Variants in STARD9 observed in about 807,000 individuals in gnomAD.
STARD9 encodes StAR related lipid transfer domain containing 9, also known as stAR-related lipid transfer protein 9.
A neutral mutation model predicts 399.8 loss-of-function variants in STARD9; 346 were observed. The observed-to-expected ratio is 0.87, with a 90% confidence interval of 0.79 to 0.95. The LOEUF is 0.95. Among genes scored for constraint, STARD9 ranks in the 40% least tolerant of loss-of-function variants. The probability of loss-of-function intolerance (pLI) is 0.00; values close to 1 mark genes in which losing one functional copy is unlikely to be tolerated. For synonymous variants in STARD9, 2,203 were observed against 2,143.5 expected (o/e 1.03, Z -0.77); for missense variants, 5,832 against 5,667.5 (o/e 1.03, Z -0.93).
chr15:42,599,601 T>C (rs572787507), intron 3 of STARD9, among the ~76,000 whole-genome samples: 5 of 152,370 alleles, frequency 3.3e-5, no homozygotes, highest in Non-Finnish European at 7.3e-5. Context: ...TGATACATTC[T>C]GTTTACTAAC....
chr15:42,647,600 T>C (rs868332787), intron 7 of STARD9, among the ~76,000 whole-genome samples: 1 of 152,180 alleles, frequency 6.6e-6, no homozygotes, highest in African/African-American at 2.4e-5. Context: ...TTTCTACTTT[T>C]ACTTTCAGTT....
chr15:42,699,506 G>A (rs1595802276), intron 26 of STARD9, among the ~76,000 whole-genome samples: 1 of 146,538 alleles, frequency 6.8e-6, no homozygotes, highest in African/African-American at 2.5e-5. Flanking sequence ...CCATTCTCCT[G>A]CCTCAGCCTC....
intron 20 of STARD9, among the ~76,000 whole-genome samples, chr15:42,678,083 T>TGTA (rs2060348262): frequency 1.3e-5 from 2 of 152,206 alleles, no homozygotes; most frequent in East Asian, 3.8e-4. Context: ...TCTAGGAGCC[T>TGTA]GTAGGCTGGG....
At position 42,688,770 on chromosome 15, in the gene STARD9, G is replaced by T. The variant is rs2140259041; in HGVS notation, c.7192G>T (p.Gly2398Trp). The T allele has an allele frequency of 6.5e-7, 1 of 1,537,650 alleles. No homozygotes were observed. The highest frequency in any genetic ancestry group is 8.7e-7 in the Non-Finnish European group (1 of 1,147,004). ...RSHSPEGNVRGRSSEAHTAWC... is the reference protein window; with the variant it reads ...RSHSPEGNVRWRSSEAHTAWC... Reference sequence around the variant, plus strand: ...CCACAGCCCCGAAGGAAATGTTAGAGGGCGTTCCTCTGAGGCACACACTGC... The same window carrying T: ...CCACAGCCCCGAAGGAAATGTTAGATGGCGTTCCTCTGAGGCACACACTGC... Residue 2398 changes from glycine to tryptophan, a missense_variant, in exon 23 of 33, where the codon GGG becomes TGG. Gly to Trp is a radical substitution (Grantham distance 184). Coordinates refer to ENST00000290607, the MANE Select transcript of STARD9 (RefSeq NM_020759.3).
chr15:42,651,142 C>T, intron 8 of STARD9, 57 bp downstream of exon 8: 1 of 1,280,102 alleles, frequency 7.8e-7, no homozygotes, highest in South Asian at 1.3e-5. Flanking sequence ...ATCCTGTGTT[C>T]CCATTTCCCT....
intron 3 of STARD9, among the ~76,000 whole-genome samples, chr15:42,603,475 TTG>T (rs1385970597): frequency 4.6e-5 from 7 of 152,016 alleles, no homozygotes; most frequent in Non-Finnish European, 7.4e-5. Flanking sequence ...ATTTGTGTCT[TTG>T]TTCTTGTAAT....
At chr15:42,632,750 G>A (rs970262254) in intron 3 of STARD9, among the ~76,000 whole-genome samples, 1 of 152,182 alleles carries the variant, frequency 6.6e-6, no homozygotes, top group African/African-American at 2.4e-5. Flanking sequence ...GCCGAGGCGA[G>A]ATGATCCCTT....
At chr15:42,666,485 A>G (rs1050110999) in intron 15 of STARD9, among the ~76,000 whole-genome samples, 1 of 152,170 alleles carries the variant, frequency 6.6e-6, no homozygotes, top group African/African-American at 2.4e-5. Context: ...GGGGTGTGAG[A>G]GGCCATGTGG....
chr15:42,605,086 A>T (rs1014568873), intron 3 of STARD9, among the ~76,000 whole-genome samples: 3 of 152,334 alleles, frequency 2.0e-5, no homozygotes, highest in Non-Finnish European at 2.9e-5. Flanking sequence ...GACTTCTCAA[A>T]GCATCATATG....
At position 42,634,740 on chromosome 15, in the gene STARD9, AAT is replaced by A. The variant is rs2059388999; in HGVS notation, c.235-115_235-114del. The stretch of plus-strand genomic sequence containing the variant: ...AATTGATTCTTATGAAATGGTAGTG[AAT>A]TAATAGTCATGTATGTTTGAAATAT... On this transcript the variant is annotated intron_variant, in intron 3 of 32. Transcript: ENST00000290607. 1.2e-5 allele frequency: 7 copies of A among 561,016 alleles called. No individual in the cohort carries two copies. The South Asian group carries it at 1.9e-4, about 15-fold the overall frequency. 34.8% of individuals were successfully genotyped at this position (561,016 alleles called of 1,614,324 possible).
chr15:42,689,386 C>T lies in STARD9; in HGVS notation c.7808C>T (p.Ser2603Leu). The change falls in exon 23 of 33, where the codon TCA (serine) becomes TTA (leucine). Residue 2603 changes from serine (S) to leucine (L), a missense_variant. By Grantham distance (145) the Ser-to-Leu change is moderately radical (BLOSUM62 -2). Coordinates refer to ENST00000290607, the MANE Select transcript of STARD9 (RefSeq NM_020759.3). The stretch of plus-strand genomic sequence containing the variant: ...CAGTGTAAACAAATAGACCAGTCAT[C>T]ATCAGACCAGACCAGGAATGAGGGT... ...RPQCKQIDQS[S>L]SDQTRNEGEA... 1 of 1,537,384 alleles carries T rather than the reference C, an allele frequency of 6.5e-7. No individual in the cohort carries two copies. The highest frequency in any genetic ancestry group is 8.7e-7 in the Non-Finnish European group (1 of 1,146,938).
chr15:42,699,855 C>T (rs915836258), intron 26 of STARD9, among the ~76,000 whole-genome samples: 6 of 151,994 alleles, frequency 3.9e-5, no homozygotes, highest in African/African-American at 4.8e-5. Context: ...TACAAGCGCC[C>T]ACCACCACAC....
At position 42,674,881 on chromosome 15, in the gene STARD9, G is replaced by A; in HGVS notation, c.1604G>A (p.Gly535Asp). The A allele has an allele frequency of 6.5e-7, 1 of 1,537,102 alleles. No homozygotes were observed. Among genetic ancestry groups the A allele is most frequent in the Non-Finnish European group, 8.7e-7 (1 of 1,146,814 alleles). ...RDHCTITSAC[G>D]VVVLRPARGA... ...CACTGCACTATCACCAGTGCCTGTG[G>A]TGTAGTTGTTCTACGACCTGCCCGT... is the stretch of plus-strand genomic sequence containing the variant. The change falls in exon 18 of 33, where the codon GGT (glycine) becomes GAT (aspartate). Residue 535 changes from glycine to aspartate, a missense_variant. Around this residue, in one of 2 missense-constraint regions of STARD9, gnomAD observed 5,828 missense variants for 5,651.1 expected, o/e 1.03. Coordinates refer to ENST00000290607, the MANE Select transcript of STARD9 (RefSeq NM_020759.3).
intron 22 of STARD9, among the ~76,000 whole-genome samples, chr15:42,683,561 C>T (rs1487336789): frequency 6.6e-6 from 1 of 152,172 alleles, no homozygotes; most frequent in African/African-American, 2.4e-5. Flanking sequence ...TCAAATTTCT[C>T]TGCTGCCCAA....
At chr15:42,672,272 A>C (rs1212680321) in intron 16 of STARD9, 1 of 152,214 alleles carries the variant, frequency 6.6e-6, no homozygotes, top group Non-Finnish European at 1.5e-5. Flanking sequence ...AAGAGGACAG[A>C]GGGAAGGACA....
At chr15:42,650,549 GC>G (rs1196157952) in intron 7 of STARD9, among the ~76,000 whole-genome samples, 2 of 152,122 alleles carry the variant, frequency 1.3e-5, no homozygotes, top group African/African-American at 4.8e-5. Context: ...GTGGCACTTG[GC>G]CATATTGTCT....
At position 42,716,664 on chromosome 15, in the gene STARD9, C is replaced by T. The variant is rs762205100; in HGVS notation, c.13285-13C>T. ...GCCTTCTGGCTCTGTCCTGAGTATC[C>T]TCTCTTCTGCAGGGGCATACAAACT... is the stretch of plus-strand genomic sequence containing the variant. On this transcript the variant is annotated splice_polypyrimidine_tract_variant and intron_variant, in intron 26 of 32. Coordinates refer to ENST00000290607, the MANE Select transcript of STARD9 (RefSeq NM_020759.3). 1.3e-6 allele frequency: 2 copies of T among 1,508,496 alleles called. No individual in the cohort carries two copies. The highest frequency in any genetic ancestry group is 1.7e-4 in the Middle Eastern group (1 of 5,928). The allele number at this position is 1,508,496 out of a possible 1,614,324, so 93.4% of individuals were successfully genotyped here.
At chr15:42,713,587 A>G (rs2061292504) in intron 26 of STARD9, among the ~76,000 whole-genome samples, 1 of 152,100 alleles carries the variant, frequency 6.6e-6, no homozygotes, top group Non-Finnish European at 1.5e-5. Context: ...AGTTTTTTGA[A>G]TATTTTTATC....
intron 3 of STARD9, among the ~76,000 whole-genome samples, chr15:42,601,451 C>T (rs539820661): frequency 6.4e-4 from 96 of 150,964 alleles, no homozygotes; most frequent in African/African-American, 2.3e-3. Context: ...CGGGCAGAGG[C>T]GCCCCCCAAC....
Sources: allele counts gnomAD v4.1 joint callset (sites outside exome capture counted in the v4.1 genomes callset), GRCh38; gene constraint gnomAD v4.1.1; regional missense constraint gnomAD v4.1.1; transcripts MANE v1.5; gene names NCBI Gene and HGNC (gene_info 2026-07-23, HGNC 2026-07-21).